Variants in CFAP299 observed in about 807,000 individuals in gnomAD.
The protein encoded by CFAP299 is cilia and flagella associated protein 299.
In CFAP299, 21 loss-of-function variants were observed where a neutral mutation model predicts 27.0. That is an observed-to-expected ratio of 0.78 (90% CI 0.55 to 1.12). The LOEUF is 1.12. CFAP299 is among the 50% of genes most tolerant of loss of function. CFAP299 has a pLI of 0.00. For missense variants in CFAP299, 310 were observed against 276.6 expected (o/e 1.12, Z -0.86); for synonymous variants, 104 against 98.1 (o/e 1.06, Z -0.36).
At chr4:80,365,556 G>A (rs567806207) in intron 2 of CFAP299, among the ~76,000 whole-genome samples, 10 of 152,262 alleles carry the variant, frequency 6.6e-5, no homozygotes, top group South Asian at 4.1e-4. Context: ...GGAATTTACC[G>A]AACATAGTTA....
At position 80,928,463 on chromosome 4, in the gene CFAP299, A is replaced by C. The variant is rs117270666; in HGVS notation, c.477-16347A>C. ...AAAGTCTAGAAATTTATCCACAGAT[A>C]TGAAGGAAAAGTATGGTGATTATAA... On this transcript the variant is annotated intron_variant, in intron 4 of 5. Coordinates refer to ENST00000358105, the MANE Select transcript of CFAP299 (RefSeq NM_152770.3). Among the ~76,000 whole-genome samples, 53 of 152,244 alleles carry C rather than the reference A, an allele frequency of 3.5e-4. No homozygotes were observed. The East Asian group carries it at 8.7e-3, about 25-fold the overall frequency.
intron 3 of CFAP299, among the ~76,000 whole-genome samples, chr4:80,601,847 G>A (rs939923621): frequency 6.6e-6 from 1 of 152,216 alleles, no homozygotes; most frequent in Non-Finnish European, 1.5e-5. Flanking sequence ...GTCAATGATA[G>A]ACTGGATAAA....
chr4:80,914,418 G>A (rs1326523739), intron 4 of CFAP299, among the ~76,000 whole-genome samples: 1 of 151,988 alleles, frequency 6.6e-6, no homozygotes, highest in Non-Finnish European at 1.5e-5. Flanking sequence ...GACATTTGGG[G>A]CCAGATAATT....
chr4:80,370,313 A>T lies in CFAP299; in HGVS notation c.242+7429A>T, dbSNP rs181396893. Among the ~76,000 whole-genome samples the T allele has an allele frequency of 3.2e-3, 486 of 152,250 alleles. 1 individual carries two copies. Among genetic ancestry groups the T allele is most frequent in the Non-Finnish European group, 4.6e-3 (310 of 68,012 alleles). On this transcript the variant is annotated intron_variant, in intron 2 of 5. Transcript: ENST00000358105. ...GGATTACAATTTGACATGAGATTTG[A>T]TGAGGACACAGATTCAAACCATATT...
At chr4:80,428,423 C>A (rs987265435) in intron 2 of CFAP299, among the ~76,000 whole-genome samples, 1 of 152,174 alleles carries the variant, frequency 6.6e-6, no homozygotes, top group Non-Finnish European at 1.5e-5. Context: ...CTGAATTACT[C>A]TGGGAAAATA....
intron 3 of CFAP299, among the ~76,000 whole-genome samples, chr4:80,685,057 G>C (rs1354670761): frequency 6.6e-6 from 1 of 152,048 alleles, no homozygotes; most frequent in Non-Finnish European, 1.5e-5. Flanking sequence ...ATTTGGATCT[G>C]GATGCTGCTT....
rs181635732 is a variant in CFAP299, at chr4:80,350,156, C to A, written c.112-12598C>A. 1.4e-3 allele frequency among the ~76,000 whole-genome samples: 216 copies of A among 151,952 alleles called. 1 individual carries two copies. In the South Asian group the frequency reaches 0.026, roughly 19 times the overall value. On this transcript the variant is annotated intron_variant, in intron 1 of 5. Coordinates refer to ENST00000358105, the MANE Select transcript of CFAP299 (RefSeq NM_152770.3). Reference sequence around the variant, plus strand: ...AGTCTAACATACATTTAAATGGAGTCCAAAATGAACAAAGGGAAGGAAGGA... The same window carrying A: ...AGTCTAACATACATTTAAATGGAGTACAAAATGAACAAAGGGAAGGAAGGA...
chr4:80,590,597 A>G (rs113078944), intron 3 of CFAP299, among the ~76,000 whole-genome samples: 130 of 152,334 alleles, frequency 8.5e-4, no homozygotes, highest in African/African-American at 3.0e-3. Flanking sequence ...AGATCAAGCC[A>G]CTGCACTTCA....
At chr4:80,595,806 T>C (rs1305187221) in intron 3 of CFAP299, among the ~76,000 whole-genome samples, 1 of 152,188 alleles carries the variant, frequency 6.6e-6, no homozygotes, top group Non-Finnish European at 1.5e-5. Context: ...ATTATGGACA[T>C]ATTTTCTGGT....
At chr4:80,850,026 A>G (rs1191661646) in intron 3 of CFAP299, among the ~76,000 whole-genome samples, 1 of 152,136 alleles carries the variant, frequency 6.6e-6, no homozygotes, top group Non-Finnish European at 1.5e-5. Flanking sequence ...TTTAAAGCTT[A>G]AATAAACTGA....
chr4:80,903,505 A>T (rs896107052), intron 4 of CFAP299, among the ~76,000 whole-genome samples: 6 of 152,034 alleles, frequency 3.9e-5, no homozygotes, highest in African/African-American at 1.4e-4. Flanking sequence ...AGGGAAAAAA[A>T]CTATAAAAAC....
chr4:80,860,632 A>G (rs6829076), intron 3 of CFAP299, among the ~76,000 whole-genome samples: 54,741 of 152,080 alleles, frequency 0.36, 14,510 homozygotes, highest in African/African-American at 0.75. Context: ...TAACAGACAG[A>G]ACCTTCAGCT....
At chr4:80,889,809 G>C (rs995301249) in intron 4 of CFAP299, among the ~76,000 whole-genome samples, 10 of 152,174 alleles carry the variant, frequency 6.6e-5, no homozygotes, top group African/African-American at 1.9e-4. Flanking sequence ...GGGATGCAAG[G>C]ATGGTTCAAC....
chr4:80,581,122 AT>A (rs1212934676), intron 2 of CFAP299, among the ~76,000 whole-genome samples: 3 of 151,844 alleles, frequency 2.0e-5, no homozygotes, highest in Non-Finnish European at 2.9e-5. Context: ...TTCACAGAGA[AT>A]TTCCAACAGA....
At chr4:80,953,442 T>A (rs1467442245) in intron 5 of CFAP299, among the ~76,000 whole-genome samples, 1 of 152,196 alleles carries the variant, frequency 6.6e-6, no homozygotes, top group Non-Finnish European at 1.5e-5. Context: ...CTGGTATATC[T>A]GAACTGAAAG....
intron 3 of CFAP299, among the ~76,000 whole-genome samples, chr4:80,822,576 A>T (rs982318700): frequency 6.6e-6 from 1 of 152,210 alleles, no homozygotes; most frequent in Non-Finnish European, 1.5e-5. Context: ...AGCTGATTTT[A>T]TAACTGTGCA....
chr4:80,776,775 G>A (rs1376828163), intron 3 of CFAP299, among the ~76,000 whole-genome samples: 1 of 150,800 alleles, frequency 6.6e-6, no homozygotes, highest in Non-Finnish European at 1.5e-5. Context: ...AAGCAAAAAA[G>A]AATCATTACA....
intron 3 of CFAP299, among the ~76,000 whole-genome samples, chr4:80,860,364 C>A (rs571869121): frequency 6.6e-6 from 1 of 152,082 alleles, no homozygotes; most frequent in African/African-American, 2.4e-5. Context: ...GAATTTCCTC[C>A]TGTAGCTCGT....
At chr4:80,556,532 C>G (rs963478549) in intron 2 of CFAP299, among the ~76,000 whole-genome samples, 4 of 151,926 alleles carry the variant, frequency 2.6e-5, no homozygotes, top group African/African-American at 9.7e-5. Context: ...AGCTAAACAC[C>G]ATCTCAGATT....
Sources: allele counts gnomAD v4.1 joint callset (sites outside exome capture counted in the v4.1 genomes callset), GRCh38; gene constraint gnomAD v4.1.1; transcripts MANE v1.5; gene names NCBI Gene and HGNC (gene_info 2026-07-23, HGNC 2026-07-21).